Variants in APBA2 observed in about 807,000 individuals in gnomAD.
APBA2 encodes amyloid beta precursor protein binding family A member 2.
Under a neutral mutation model 75.0 loss-of-function variants are expected in APBA2, and 30 were observed. The observed-to-expected ratio is 0.40, with a 90% CI of 0.30 to 0.54. The LOEUF (loss-of-function observed/expected upper bound fraction) is 0.54. APBA2 is among the 20% of genes least tolerant of loss of function. The pLI is 0.49. For missense variants in APBA2, 801 were observed against 1,016.1 expected (o/e 0.79, Z 2.88); for synonymous variants, 444 against 409.6 (o/e 1.08, Z -1.01).
intron 2 of APBA2, among the ~76,000 whole-genome samples, chr15:28,954,689 C>T (rs769199502): frequency 3.9e-5 from 6 of 152,206 alleles, no homozygotes; most frequent in East Asian, 1.9e-4. Flanking sequence ...ACGGCGCTCA[C>T]GGTCAGGCTG....
intron 3 of APBA2, among the ~76,000 whole-genome samples, chr15:29,036,983 C>G (rs4779709): frequency 0.37 from 56,062 of 151,424 alleles, 17,139 homozygotes; most frequent in African/African-American, 0.81. Flanking sequence ...TCACACCAGT[C>G]CACTCCAGCC....
intron 9 of APBA2, among the ~76,000 whole-genome samples, chr15:29,100,946 A>ACTGTAAAT (rs1188774927): frequency 9.2e-5 from 14 of 152,206 alleles, no homozygotes; most frequent in African/African-American, 3.4e-4. Flanking sequence ...AGTGACTTTG[A>ACTGTAAAT]CTGTAAATCA....
chr15:29,079,049 G>A lies in APBA2; in HGVS notation c.1069+2958G>A, dbSNP rs116110188. Among the ~76,000 whole-genome samples, 697 of 152,258 alleles carry A rather than the reference G, an allele frequency of 4.6e-3. 11 individuals are homozygous for A. The highest frequency in any genetic ancestry group is 0.015 in the African/African-American group (644 of 41,552). On this transcript the variant is annotated intron_variant, in intron 6 of 14. Coordinates refer to ENST00000683413, the MANE Select transcript of APBA2 (RefSeq NM_001353788.2). ...AGATGGGAAAATTCTAATGCTTGCG[G>A]GGCAGGGCATCCAGGGCTTTGAGCT...
chr15:28,908,436 A>G (rs1479634585), intron 1 of APBA2, among the ~76,000 whole-genome samples: 8 of 150,840 alleles, frequency 5.3e-5, no homozygotes, highest in Admixed American at 4.0e-4. Context: ...TCAGCCTCCC[A>G]AGTACCTGGG....
At chr15:29,043,278 G>A (rs28376704) in intron 3 of APBA2, among the ~76,000 whole-genome samples, 1 of 152,074 alleles carries the variant, frequency 6.6e-6, no homozygotes, top group Non-Finnish European at 1.5e-5. Context: ...TGCGTATTTC[G>A]AGATGAGGAT....
intron 3 of APBA2, chr15:29,044,329 T>C (rs1312214623): frequency 6.6e-6 from 1 of 152,220 alleles, no homozygotes; most frequent in Non-Finnish European, 1.5e-5. Flanking sequence ...AGGCGAGTGG[T>C]GAGCACGGTG....
chr15:29,036,233 T>TA (rs1566931727), intron 3 of APBA2, among the ~76,000 whole-genome samples: 1 of 137,006 alleles, frequency 7.3e-6, no homozygotes, highest in African/African-American at 2.7e-5. Context: ...ATATATATAT[T>TA]TTTTGTCTTA....
intron 1 of APBA2, among the ~76,000 whole-genome samples, chr15:28,906,917 TA>T (rs1351913481): frequency 2.0e-5 from 3 of 152,186 alleles, no homozygotes; most frequent in Admixed American, 6.5e-5. Flanking sequence ...ATATTGCAGA[TA>T]TTTTTTTCTC....
intron 1 of APBA2, among the ~76,000 whole-genome samples, chr15:28,899,018 T>C (rs1444411780): frequency 6.6e-6 from 1 of 152,236 alleles, no homozygotes; most frequent in Non-Finnish European, 1.5e-5. Flanking sequence ...TAAAGAAAAC[T>C]AGACACAAGT....
At chr15:29,002,620 G>A (rs1413406231) in intron 3 of APBA2, among the ~76,000 whole-genome samples, 1 of 152,116 alleles carries the variant, frequency 6.6e-6, no homozygotes, top group Non-Finnish European at 1.5e-5. Flanking sequence ...AGCCTCACGT[G>A]TGGGGTACAC....
chr15:28,912,750 G>A (rs1458372050), intron 1 of APBA2, among the ~76,000 whole-genome samples: 2 of 152,232 alleles, frequency 1.3e-5, no homozygotes, highest in Non-Finnish European at 2.9e-5. Context: ...AGATGTCAGA[G>A]GAGGACCCTA....
intron 14 of APBA2, 138 bp downstream of exon 14, chr15:29,114,154 G>A (rs763463413): frequency 4.9e-5 from 65 of 1,329,424 alleles, no homozygotes; most frequent in Non-Finnish European, 6.8e-5. Flanking sequence ...GGGCTGCTGT[G>A]ACAAGGGTGA....
intron 1 of APBA2, among the ~76,000 whole-genome samples, chr15:28,909,090 C>T (rs1281449319): frequency 6.6e-6 from 1 of 151,752 alleles, no homozygotes; most frequent in Non-Finnish European, 1.5e-5. Context: ...AGGTTCACGC[C>T]ATTCTCCTAC....
chr15:29,110,619 G>A (rs891917174), intron 13 of APBA2, among the ~76,000 whole-genome samples: 2 of 152,226 alleles, frequency 1.3e-5, no homozygotes, highest in Admixed American at 6.5e-5. Flanking sequence ...ATAACCCCAT[G>A]AGGAGCACAG....
intron 2 of APBA2, among the ~76,000 whole-genome samples, chr15:28,966,413 G>A (rs1005233743): frequency 6.6e-6 from 1 of 152,036 alleles, no homozygotes; most frequent in Admixed American, 6.5e-5. Flanking sequence ...TTCTTGGTAG[G>A]CTGGGCATTT....
At chr15:29,081,509 T>A (rs1337284562) in intron 6 of APBA2, among the ~76,000 whole-genome samples, 1 of 152,086 alleles carries the variant, frequency 6.6e-6, no homozygotes, top group African/African-American at 2.4e-5. Flanking sequence ...GCTGCAAGAG[T>A]TAAAAATGAG....
chr15:29,105,289 T>C, intron 10 of APBA2, 90 bp from the exon 11 acceptor site: 1 of 1,372,282 alleles, frequency 7.3e-7, no homozygotes, highest in Non-Finnish European at 1.0e-6. Context: ...GGGTGCATCC[T>C]GCACCCAGCC....
At chr15:29,058,096 T>A (rs561784295) in intron 4 of APBA2, among the ~76,000 whole-genome samples, 1 of 152,256 alleles carries the variant, frequency 6.6e-6, no homozygotes, top group South Asian at 2.1e-4. Flanking sequence ...AAGATGTTAA[T>A]GACTCATCTG....
At chr15:29,028,315 C>T (rs1383237847) in intron 3 of APBA2, among the ~76,000 whole-genome samples, 2 of 152,110 alleles carry the variant, frequency 1.3e-5, no homozygotes, top group Non-Finnish European at 1.5e-5. Context: ...ATCCATGTTT[C>T]TGCAAAGGAT....
Sources: allele counts gnomAD v4.1 joint callset (sites outside exome capture counted in the v4.1 genomes callset), GRCh38; gene constraint gnomAD v4.1.1; transcripts MANE v1.5; gene names NCBI Gene and HGNC (gene_info 2026-07-23, HGNC 2026-07-21).